DNAAF9: variants seen among roughly 807,000 people sequenced by gnomAD.
The protein encoded by DNAAF9 is dynein axonemal assembly factor 9.
In DNAAF9, 90 loss-of-function variants were observed where a neutral mutation model predicts 167.0. The observed-to-expected ratio is 0.54, with a 90% CI of 0.45 to 0.64. The LOEUF (loss-of-function observed/expected upper bound fraction) is 0.64, where lower values mean the gene tolerates loss of function less well. Among genes scored for constraint, DNAAF9 ranks in the 30% least tolerant of loss-of-function variants. The probability of loss-of-function intolerance (pLI) is 0.00; values close to 1 mark genes in which losing one functional copy is unlikely to be tolerated. For missense variants in DNAAF9, 1,315 were observed against 1,442.2 expected (o/e 0.91, Z 1.43); for synonymous variants, 491 against 508.8 (o/e 0.96, Z 0.47).
chr20:3,332,433 T>C, intron 10 of DNAAF9, 72 bp from the exon 11 acceptor site: 3 of 767,616 alleles, frequency 3.9e-6, no homozygotes, highest in Middle Eastern at 4.9e-4. Flanking sequence ...AAACAAAAAG[T>C]ATAGAGTCAA....
intron 7 of DNAAF9, among the ~76,000 whole-genome samples, chr20:3,349,037 T>C (rs1304315208): frequency 6.6e-6 from 1 of 151,836 alleles, no homozygotes; most frequent in African/African-American, 2.4e-5. Flanking sequence ...TTATGGTACA[T>C]AAATTATACT....
At chr20:3,274,404 A>C (rs1373575409) in intron 29 of DNAAF9, among the ~76,000 whole-genome samples, 1 of 152,158 alleles carries the variant, frequency 6.6e-6, no homozygotes, top group Non-Finnish European at 1.5e-5. Flanking sequence ...TGGCCTCCCA[A>C]AGTGCTGGGA....
chr20:3,294,216 G>T lies in DNAAF9; in HGVS notation c.2161C>A (p.Pro721Thr), dbSNP rs752402541. ...ACAGGAAGATGGGTCCGCATCACAG[G>T]CTCCTGGCTAATGCTGCTGATGGCG... ...HFAISSISQE[P>T]VMRTHLPVLL... The change falls in exon 25 of 37, where the codon CCT becomes ACT. Residue 721 changes from proline to threonine, a missense_variant. Pro to Thr is a conservative substitution (Grantham distance 38). Coordinates refer to ENST00000252032, the MANE Select transcript of DNAAF9 (RefSeq NM_001009984.3). The T allele has an allele frequency of 2.5e-6, 4 of 1,613,070 alleles. No homozygotes were observed. The highest frequency in any genetic ancestry group is 1.3e-5 in the African/African-American group (1 of 75,022).
chr20:3,313,406 G>C (rs2069447830), intron 20 of DNAAF9, among the ~76,000 whole-genome samples: 1 of 152,186 alleles, frequency 6.6e-6, no homozygotes, highest in Non-Finnish European at 1.5e-5. Context: ...AGTGATCTGA[G>C]AACAGGGAGA....
At chr20:3,275,839 A>G (rs2068667738) in intron 29 of DNAAF9, among the ~76,000 whole-genome samples, 2 of 152,204 alleles carry the variant, frequency 1.3e-5, no homozygotes, top group Admixed American at 6.5e-5. Flanking sequence ...AAGAGCAGAG[A>G]AACATCCCTA....
intron 34 of DNAAF9, among the ~76,000 whole-genome samples, 161 bp from the exon 35 acceptor site, chr20:3,255,445 A>G (rs2068261928): frequency 6.6e-6 from 1 of 152,062 alleles, no homozygotes; most frequent in Non-Finnish European, 1.5e-5. Context: ...GCTCTTTGAG[A>G]AAACCACTTT....
chr20:3,393,791 T>C (rs139361600), intron 1 of DNAAF9, among the ~76,000 whole-genome samples: 2 of 152,314 alleles, frequency 1.3e-5, no homozygotes, highest in African/African-American at 2.4e-5. Flanking sequence ...TTAAACCGTT[T>C]ACCTATAATA....
chr20:3,260,408 C>T (rs1459073029), intron 31 of DNAAF9, among the ~76,000 whole-genome samples: 1 of 152,210 alleles, frequency 6.6e-6, no homozygotes, highest in Non-Finnish European at 1.5e-5. Flanking sequence ...ATTTTGCACA[C>T]AAAAACTTGT....
At chr20:3,322,153 C>T (rs1202966393) in intron 16 of DNAAF9, 64 bp downstream of exon 16, 1 of 1,270,202 alleles carries the variant, frequency 7.9e-7, no homozygotes, top group African/African-American at 1.5e-5. Flanking sequence ...CTCCCACCTC[C>T]CAACTTACAG....
rs1367901132 is a variant in DNAAF9, at chr20:3,299,741, T to A, written c.1783-1566A>T. Among the ~76,000 whole-genome samples the A allele has an allele frequency of 3.9e-5, 6 of 152,260 alleles. No homozygotes were observed. The East Asian group carries it at 1.2e-3, about 29-fold the overall frequency. The stretch of plus-strand genomic sequence containing the variant: ...GGTCTAGTCCACTGGTCCATATGCC[T>A]GACCTTTTGCCAGCAGCAAACTGTT... On this transcript the variant is annotated intron_variant, in intron 21 of 36. Transcript: ENST00000252032.
intron 5 of DNAAF9, among the ~76,000 whole-genome samples, chr20:3,374,691 T>C (rs1422655278): frequency 1.3e-5 from 2 of 152,236 alleles, no homozygotes; most frequent in African/African-American, 2.4e-5. Context: ...CATATCTTTT[T>C]AGAAGTTATC....
At chr20:3,361,257 A>T (rs2083359377) in intron 6 of DNAAF9, among the ~76,000 whole-genome samples, 1 of 152,190 alleles carries the variant, frequency 6.6e-6, no homozygotes, top group Non-Finnish European at 1.5e-5. Context: ...ACCAAAGGCC[A>T]ATCTCAGAGG....
intron 6 of DNAAF9, among the ~76,000 whole-genome samples, chr20:3,360,996 G>A (rs1474817477): frequency 6.6e-6 from 1 of 152,124 alleles, no homozygotes; most frequent in African/African-American, 2.4e-5. Flanking sequence ...GACAGCAGAG[G>A]GTGGCAGGGC....
At chr20:3,257,308 C>T (rs866697461) in intron 33 of DNAAF9, among the ~76,000 whole-genome samples, 2 of 151,084 alleles carry the variant, frequency 1.3e-5, no homozygotes, top group Admixed American at 6.6e-5. Flanking sequence ...CCCGGGAATT[C>T]GAGACCAGCC....
chr20:3,281,463 T>C (rs2068762892), intron 28 of DNAAF9, among the ~76,000 whole-genome samples, 178 bp downstream of exon 28: 1 of 152,266 alleles, frequency 6.6e-6, no homozygotes, highest in Non-Finnish European at 1.5e-5. Context: ...TTGTCTTCCA[T>C]AATTCCTCTC....
intron 16 of DNAAF9, among the ~76,000 whole-genome samples, chr20:3,320,478 C>T (rs1007898531): frequency 2.0e-5 from 3 of 152,150 alleles, no homozygotes; most frequent in African/African-American, 7.2e-5. Context: ...TAATCACCTG[C>T]TACTATGCAA....
At chr20:3,270,677 T>C in intron 29 of DNAAF9, 115 bp from the exon 30 acceptor site, 1 of 812,790 alleles carries the variant, frequency 1.2e-6, no homozygotes, top group Non-Finnish European at 2.0e-6. Flanking sequence ...AGTCTCCTGA[T>C]GGAGACAACC....
chr20:3,296,318 C>T (rs939488233), intron 23 of DNAAF9: 16 of 363,098 alleles, frequency 4.4e-5, no homozygotes, highest in Admixed American at 2.3e-4. Flanking sequence ...ATGCTTGGCC[C>T]GGGTCAGGGC....
intron 30 of DNAAF9, among the ~76,000 whole-genome samples, chr20:3,270,185 G>A (rs2068568832): frequency 6.9e-6 from 1 of 144,842 alleles, no homozygotes; most frequent in African/African-American, 2.6e-5. Context: ...CTGTCTCTCA[G>A]GCTGTGGAAT....
Sources: allele counts gnomAD v4.1 joint callset (sites outside exome capture counted in the v4.1 genomes callset), GRCh38; gene constraint gnomAD v4.1.1; transcripts MANE v1.5; gene names NCBI Gene and HGNC (gene_info 2026-07-23, HGNC 2026-07-21).